The following CHCHD2 variants were observed in gnomAD, a reference collection of about 807,000 sequenced individuals.
CHCHD2 encodes coiled-coil-helix-coiled-coil-helix domain-containing protein 2.
A neutral mutation model predicts 17.5 loss-of-function variants in CHCHD2; 17 were observed. The observed-to-expected ratio is 0.97, with a 90% CI of 0.67 to 1.46. The LOEUF is 1.46. Ranked by LOEUF, CHCHD2 falls within the 40% of genes most tolerant of loss-of-function variation. CHCHD2 has a pLI of 0.00. For synonymous variants in CHCHD2, 63 were observed against 74.3 expected (o/e 0.85, Z 0.78); for missense variants, 175 against 199.9 (o/e 0.88, Z 0.75).
At chr7:56,106,118 T>C (rs2115588462) in intron 1 of CHCHD2, among the ~76,000 whole-genome samples, 1 of 152,344 alleles carries the variant, frequency 6.6e-6, no homozygotes, top group East Asian at 1.9e-4. Context: ...AATTTATGCC[T>C]TCCTACCACC....
intron 3 of CHCHD2, 197 bp downstream of exon 3, chr7:56,102,670 T>C (rs1446675289): frequency 8.3e-6 from 5 of 602,954 alleles, no homozygotes; most frequent in East Asian, 6.0e-5. Flanking sequence ...GCCTGGCCTA[T>C]ACCTTCTAAA....
rs759428903 is a variant in CHCHD2, at chr7:56,101,823, T to A, written c.*28A>T. 5.6e-6 allele frequency: 9 copies of A among 1,601,144 alleles called. No homozygotes were observed. Among genetic ancestry groups the A allele is most frequent in the Non-Finnish European group, 8.5e-7 (1 of 1,170,452 alleles). ...ATTAACTTAGTTATGAGAGCTGATT[T>A]TCCATCTCTCCAGGTTGAACTTCTT... On this transcript the variant is annotated 3_prime_UTR_variant, in exon 4 of 4. Coordinates refer to ENST00000395422, the MANE Select transcript of CHCHD2 (RefSeq NM_016139.4).
chr7:56,101,882 G>C (rs1332763784), intron 3 of CHCHD2, 21 bp from the exon 4 acceptor site: 1 of 1,612,144 alleles, frequency 6.2e-7, no homozygotes, highest in South Asian at 1.1e-5. Flanking sequence ...AAAAGATTAA[G>C]TTAGAAGAAT....
chr7:56,102,009 G>T (rs1198255446), intron 3 of CHCHD2, 148 bp from the exon 4 acceptor site: 2 of 738,558 alleles, frequency 2.7e-6, no homozygotes, highest in African/African-American at 3.6e-5. Flanking sequence ...TAGAGATGAG[G>T]TCTTGCTATG....
At chr7:56,105,783 A>G (rs555024115) in intron 1 of CHCHD2, among the ~76,000 whole-genome samples, 1 of 152,292 alleles carries the variant, frequency 6.6e-6, no homozygotes, top group African/African-American at 2.4e-5. Flanking sequence ...ACTCTGACTC[A>G]AAATATAAAT....
At chr7:56,106,291 C>T in intron 1 of CHCHD2, 73 bp downstream of exon 1, 2 of 1,453,726 alleles carry the variant, frequency 1.4e-6, no homozygotes, top group South Asian at 1.2e-5. Context: ...CCGCCCGCGG[C>T]CTCCCTCTGC....
At chr7:56,105,130 C>T (rs183916983) in intron 1 of CHCHD2, among the ~76,000 whole-genome samples, 8 of 151,968 alleles carry the variant, frequency 5.3e-5, no homozygotes, top group Non-Finnish European at 1.2e-4. Flanking sequence ...AGGCTCGTCT[C>T]GAACTCCTGA....
At position 56,106,386 on chromosome 7, in the gene CHCHD2, AG is replaced by A; in HGVS notation, c.27del (p.Ser10ProfsTer13). ...CACCTGGCCGGAGGGGCCATGCGGGAGGTGCGGCTTCGGCTTCCACGCGGCA... is the reference window on the plus strand; with the variant it reads ...CACCTGGCCGGAGGGGCCATGCGGGAGTGCGGCTTCGGCTTCCACGCGGCA... MPRGSRSR[T>X]SRMAPPASRA... is the part of the protein sequence containing the mutation. On this transcript the variant is annotated frameshift_variant, in exon 1 of 4. Transcript: ENST00000395422. LOFTEE classifies it high-confidence loss of function. The A allele has an allele frequency of 6.2e-7, 1 of 1,613,280 alleles. No individual in the cohort carries two copies. The highest frequency in any genetic ancestry group is 8.5e-7 in the Non-Finnish European group (1 of 1,179,610).
chr7:56,103,737 A>G (rs1458552506), intron 2 of CHCHD2, among the ~76,000 whole-genome samples: 1 of 152,230 alleles, frequency 6.6e-6, no homozygotes, highest in East Asian at 1.9e-4. Context: ...AGCTTCAGGG[A>G]GGAAAAATGG....
Position 56,101,726 on chromosome 7 carries a change from C to A in CHCHD2, c.*125G>T. The A allele has an allele frequency of 1.1e-6, 1 of 874,774 alleles. No homozygotes were observed. Among genetic ancestry groups the A allele is most frequent in the Non-Finnish European group, 1.8e-6 (1 of 553,094 alleles). The allele number at this position is 874,774 out of a possible 1,614,324, so 54.2% of individuals were successfully genotyped here. On this transcript the variant is annotated 3_prime_UTR_variant, in exon 4 of 4. Coordinates refer to ENST00000395422, the MANE Select transcript of CHCHD2 (RefSeq NM_016139.4). ...CATTTCAATTCTGAAGCAAGGAAGCCAGGAATGACAGGAGAGGTTTAACTG... is the reference window on the plus strand; with the variant it reads ...CATTTCAATTCTGAAGCAAGGAAGCAAGGAATGACAGGAGAGGTTTAACTG...
At chr7:56,104,141 A>C in intron 2 of CHCHD2, 85 bp downstream of exon 2, 4 of 1,552,472 alleles carry the variant, frequency 2.6e-6, no homozygotes, top group Non-Finnish European at 3.5e-6. Context: ...AATCAAAGAC[A>C]ATTCCTACAC....
rs1230634952 is a variant in CHCHD2 at position 56,106,359 on chromosome 7, C to T, written c.50+5G>A. 6.2e-7 allele frequency: 1 copy of T among 1,613,070 alleles called. No homozygotes were observed. The highest frequency in any genetic ancestry group is 1.1e-5 in the South Asian group (1 of 90,974). On this transcript the variant is annotated splice_donor_5th_base_variant and intron_variant, in intron 1 of 3. Coordinates refer to ENST00000395422, the MANE Select transcript of CHCHD2 (RefSeq NM_016139.4). ...CTTTGGTCTCAAACCCTGCGATGGT[C>T]TCACCTGGCCGGAGGGGCCATGCGG...
chr7:56,101,708 A>G lies in CHCHD2; in HGVS notation c.*143T>C, dbSNP rs1785288015. ...TAGGGACACCCCCACTTCCATTTCA[A>G]TTCTGAAGCAAGGAAGCCAGGAATG... On this transcript the variant is annotated 3_prime_UTR_variant, in exon 4 of 4. Transcript: ENST00000395422. The G allele has an allele frequency of 6.4e-6, 5 of 778,872 alleles. No homozygotes were observed. In the Admixed American group the frequency reaches 1.0e-4, roughly 16 times the overall value. 48.2% of individuals were successfully genotyped at this position (778,872 alleles called of 1,614,324 possible).
In CHCHD2 at chr7:56,102,957, T is replaced by C. The variant is rs1428333384; in HGVS notation, c.355A>G (p.Lys119Glu). The change falls in exon 3 of 4, where the codon AAA becomes GAA. Residue 119 changes from lysine (K) to glutamate (E), a missense_variant. Physicochemically the swap from Lys to Glu is moderately conservative, Grantham distance 56. Coordinates refer to ENST00000395422, the MANE Select transcript of CHCHD2 (RefSeq NM_016139.4). Reference protein sequence around the residue: ...QQQQPCLYEIKQFLECAQNQG... With the variant: ...QQQQPCLYEIEQFLECAQNQG... The stretch of plus-strand genomic sequence containing the variant: ...TTCTGGGCACACTCCAGAAACTGTT[T>C]GATCTCATAGAGGCAAGGCTGCTGC... 6.2e-7 allele frequency: 1 copy of C among 1,614,176 alleles called. No homozygotes were observed. The highest frequency in any genetic ancestry group is 1.1e-5 in the South Asian group (1 of 91,084).
intron 1 of CHCHD2, among the ~76,000 whole-genome samples, 182 bp downstream of exon 1, chr7:56,106,182 G>A (rs1401781115): frequency 2.0e-5 from 3 of 152,134 alleles, no homozygotes; most frequent in East Asian, 1.9e-4. Context: ...TTTTCCGTAA[G>A]TGAATTCCCT....
chr7:56,102,149 C>G (rs1299543943), intron 3 of CHCHD2, among the ~76,000 whole-genome samples: 1 of 151,970 alleles, frequency 6.6e-6, no homozygotes, highest in African/African-American at 2.4e-5. Flanking sequence ...TAACAAGACA[C>G]CCTGAATCTC....
At chr7:56,104,552 A>G in intron 1 of CHCHD2, 77 bp from the exon 2 acceptor site, 2 of 1,353,798 alleles carry the variant, frequency 1.5e-6, no homozygotes, top group Non-Finnish European at 2.0e-6. Flanking sequence ...AATAACTTAC[A>G]TATTAAAATG....
chr7:56,103,405 G>C lies in CHCHD2; in HGVS notation c.301-394C>G, dbSNP rs568982122. On this transcript the variant is annotated intron_variant, in intron 2 of 3. Coordinates refer to ENST00000395422, the MANE Select transcript of CHCHD2 (RefSeq NM_016139.4). ...TGAGGCAGGAGAATCGCTTGAACCC[G>C]GGCGGTGGAGCCTGGATAACAGAGC... is the stretch of plus-strand genomic sequence containing the variant. Among the ~76,000 whole-genome samples the C allele has an allele frequency of 8.5e-5, 13 of 152,108 alleles. No individual in the cohort carries two copies. In the South Asian group the frequency reaches 2.1e-3, roughly 24 times the overall value.
In CHCHD2 at chr7:56,101,794, C is replaced by G. The variant is rs1435086514; in HGVS notation, c.*57G>C. The G allele has an allele frequency of 1.3e-6, 2 of 1,515,550 alleles. No individual in the cohort carries two copies. The highest frequency in any genetic ancestry group is 1.8e-6 in the Non-Finnish European group (2 of 1,097,280). 93.9% of individuals were successfully genotyped at this position (1,515,550 alleles called of 1,614,324 possible). A position where few individuals can be genotyped will look rare whatever the true frequency, so the allele number is the denominator to read the frequency against. ...CCTCACTATCAATTCTATTTTTATA[C>G]TAAATTAACTTAGTTATGAGAGCTG... On this transcript the variant is annotated 3_prime_UTR_variant, in exon 4 of 4. Transcript: ENST00000395422.
Sources: allele counts gnomAD v4.1 joint callset (sites outside exome capture counted in the v4.1 genomes callset), GRCh38; gene constraint gnomAD v4.1.1; transcripts MANE v1.5; gene names NCBI Gene and HGNC (gene_info 2026-07-23, HGNC 2026-07-21).